The following FYB1 variants were observed in gnomAD, a reference collection of about 807,000 sequenced individuals.
The protein encoded by FYB1 is FYN binding protein 1, also known as FYN-binding protein 1.
In FYB1, 41 loss-of-function variants were observed where a neutral mutation model predicts 94.1. That is an observed-to-expected ratio of 0.44 (90% CI 0.34 to 0.57). FYB1 has a LOEUF of 0.57. Among genes scored for constraint, FYB1 ranks in the 20% least tolerant of loss-of-function variants. The probability of loss-of-function intolerance (pLI) is 0.02; values close to 1 mark genes in which losing one functional copy is unlikely to be tolerated. For synonymous variants in FYB1, 367 were observed against 353.2 expected (o/e 1.04, Z -0.44); for missense variants, 1,050 against 976.8 (o/e 1.07, Z -1.00).
At chr5:39,222,951 C>T (rs770499582), upstream of FYB1, among the ~76,000 whole-genome samples, 2 of 151,830 alleles carry the variant, frequency 1.3e-5, no homozygotes, top group Non-Finnish European at 2.9e-5. Context: ...ACACTGAGGC[C>T]TGTTGGGGGA....
intron 16 of FYB1, among the ~76,000 whole-genome samples, chr5:39,114,981 TG>T (rs1371286045): frequency 3.3e-5 from 5 of 152,108 alleles, no homozygotes; most frequent in African/African-American, 4.8e-5. Flanking sequence ...TGTGATGGTG[TG>T]GCTAGGAGTA....
At chr5:39,228,273 C>T (rs1050727072) in intron 1 of FYB1, among the ~76,000 whole-genome samples, 1 of 152,092 alleles carries the variant, frequency 6.6e-6, no homozygotes, top group African/African-American at 2.4e-5. Context: ...GCCTGAGGAA[C>T]AATTATGACT....
intron 1 of FYB1, among the ~76,000 whole-genome samples, chr5:39,245,692 G>A (rs1226054800): frequency 2.6e-5 from 4 of 151,336 alleles, no homozygotes; most frequent in East Asian, 2.0e-4. Flanking sequence ...TCCACCTCCC[G>A]GGTTCAAGTG....
At chr5:39,225,904 G>A (rs1317840780) in intron 1 of FYB1, among the ~76,000 whole-genome samples, 1 of 152,158 alleles carries the variant, frequency 6.6e-6, no homozygotes, top group Non-Finnish European at 1.5e-5. Flanking sequence ...TTTTAATAGT[G>A]TTAACAAGTT....
In FYB1 at chr5:39,184,647, G is replaced by T. The variant is rs148865945; in HGVS notation, c.1135+17179C>A. Among the ~76,000 whole-genome samples the T allele has an allele frequency of 1.3e-4, 20 of 152,198 alleles. No homozygotes were observed. The East Asian group carries it at 2.9e-3, about 22-fold the overall frequency. On this transcript the variant is annotated intron_variant, in intron 2 of 18. Transcript: ENST00000512982. ...AATATGTTACTGCTATTGAAAACTG[G>T]ACTTTAATATTCTTTGTTGAATCAA...
intron 2 of FYB1, among the ~76,000 whole-genome samples, chr5:39,187,049 A>G (rs905936098): frequency 6.6e-6 from 1 of 152,198 alleles, no homozygotes; most frequent in Non-Finnish European, 1.5e-5. Context: ...AAACTCCTAC[A>G]TTCTTCAAAA....
intron 3 of FYB1, 36 bp downstream of exon 3, chr5:39,153,412 A>T: frequency 6.2e-7 from 1 of 1,606,846 alleles, no homozygotes; most frequent in Non-Finnish European, 8.5e-7. Context: ...ACGGCAAGAG[A>T]CTAGGAAAGA....
In FYB1 at chr5:39,244,990, C is replaced by T. The variant is rs568182078; in HGVS notation, c.-28+29413G>A. Among the ~76,000 whole-genome samples the T allele has an allele frequency of 1.6e-4, 24 of 151,988 alleles. No homozygotes were observed. The South Asian group carries it at 5.0e-3, about 32-fold the overall frequency. ...TTCTGTGGGATCGGTGGTGATATCCCCTTTATCATTTTTTATTGTTTCTAT... is the reference window on the plus strand; with the variant it reads ...TTCTGTGGGATCGGTGGTGATATCCTCTTTATCATTTTTTATTGTTTCTAT... On this transcript the variant is annotated intron_variant, in intron 1 of 1. Transcript: ENST00000510188.
chr5:39,175,912 A>T (rs1266243677), intron 2 of FYB1, among the ~76,000 whole-genome samples: 3 of 152,064 alleles, frequency 2.0e-5, no homozygotes, highest in African/African-American at 7.3e-5. Context: ...ATTCTAATGG[A>T]TAAGGAATAG....
chr5:39,123,054 CCTTCTAGA>C (rs1740277405), intron 13 of FYB1, among the ~76,000 whole-genome samples: 1 of 152,110 alleles, frequency 6.6e-6, no homozygotes, highest in South Asian at 2.1e-4. Context: ...GCTTTTTCTC[CCTTCTAGA>C]CTTCTTACTA....
At chr5:39,263,713 C>G (rs1420450965) in intron 1 of FYB1, among the ~76,000 whole-genome samples, 2 of 152,118 alleles carry the variant, frequency 1.3e-5, no homozygotes, top group Non-Finnish European at 1.5e-5. Context: ...ACCTGTTCCC[C>G]TCAGAAATTC....
At chr5:39,230,546 T>A (rs2150569817) in intron 1 of FYB1, among the ~76,000 whole-genome samples, 1 of 152,052 alleles carries the variant, frequency 6.6e-6, no homozygotes, top group African/African-American at 2.4e-5. Context: ...TATATATGTA[T>A]AATATGTGTA....
intron 1 of FYB1, among the ~76,000 whole-genome samples, chr5:39,260,388 G>C (rs155452): frequency 0.59 from 89,546 of 151,988 alleles, 26,668 homozygotes; most frequent in African/African-American, 0.67. Context: ...TGACAGATGT[G>C]AGAGGGCCTG....
intron 16 of FYB1, among the ~76,000 whole-genome samples, chr5:39,113,803 T>C (rs1003757304): frequency 2.0e-5 from 3 of 152,104 alleles, no homozygotes; most frequent in African/African-American, 4.8e-5. Flanking sequence ...TAGATTTACC[T>C]AGGCAAGTGG....
intron 2 of FYB1, among the ~76,000 whole-genome samples, chr5:39,164,127 G>T (rs1389632889): frequency 6.6e-6 from 1 of 152,102 alleles, no homozygotes; most frequent in African/African-American, 2.4e-5. Flanking sequence ...AGAGAGAGGG[G>T]CAAACAGAGG....
At position 39,122,433 on chromosome 5, in the gene FYB1, A is replaced by G. The variant is rs377471213; in HGVS notation, c.2072-31T>C. Reference sequence around the variant, plus strand: ...AAAAGACAGAATATCAAAGGTTGAAACACTGTTAGTTTAGATTTTGATATG... The same window carrying G: ...AAAAGACAGAATATCAAAGGTTGAAGCACTGTTAGTTTAGATTTTGATATG... On this transcript the variant is annotated intron_variant, in intron 13 of 18. Transcript: ENST00000512982. The G allele has an allele frequency of 3.0e-6, 4 of 1,329,280 alleles. No individual in the cohort carries two copies. In the African/African-American group the frequency reaches 4.3e-5, roughly 14 times the overall value. 82.3% of individuals were successfully genotyped at this position (1,329,280 alleles called of 1,614,324 possible). A position where few individuals can be genotyped will look rare whatever the true frequency, so the allele number is the denominator to read the frequency against.
At chr5:39,231,303 AG>A (rs1750736228) in intron 1 of FYB1, among the ~76,000 whole-genome samples, 4 of 152,126 alleles carry the variant, frequency 2.6e-5, no homozygotes, top group Admixed American at 1.3e-4. Flanking sequence ...CACATTCAAA[AG>A]CACCTGGCAC....
Position 39,202,171 on chromosome 5 carries a change from A to G in FYB1, c.790T>C (p.Leu264=). 6.2e-7 allele frequency: 1 copy of G among 1,613,966 alleles called. No homozygotes were observed. Residue 264 remains leucine (L), a synonymous_variant, in exon 2 of 19, where the codon TTG becomes CTG. Coordinates refer to ENST00000512982, the MANE Select transcript of FYB1 (RefSeq NM_001465.6). The part of the protein sequence containing the change: ...ISSLPFPGVV[L]KPAASRGGPG... Reference sequence around the variant, plus strand: ...CCTCCCCTGCTCGCAGCAGGTTTCAAAACCACTCCAGGAAAGGGCAAACTT... The same window carrying G: ...CCTCCCCTGCTCGCAGCAGGTTTCAGAACCACTCCAGGAAAGGGCAAACTT...
chr5:39,226,773 T>G (rs931169070), intron 1 of FYB1, among the ~76,000 whole-genome samples: 2 of 152,182 alleles, frequency 1.3e-5, no homozygotes, highest in African/African-American at 4.8e-5. Flanking sequence ...CCAGATTTAG[T>G]AGGTTTAGGG....
Sources: gnomAD v4.1 joint callset for allele counts (sites outside exome capture counted in the v4.1 genomes callset) on GRCh38, gnomAD v4.1.1 for gene constraint, MANE v1.5 for transcripts, NCBI Gene and HGNC (gene_info 2026-07-23, HGNC 2026-07-21) for gene names.